The following ATP6V1B2 variants were observed in gnomAD, a reference collection of about 807,000 sequenced individuals.
ATP6V1B2 encodes the protein ATPase H+ transporting V1 subunit B2.
In ATP6V1B2, 23 loss-of-function variants were observed where a neutral mutation model predicts 66.7. That is an observed-to-expected ratio of 0.34 (90% CI 0.25 to 0.49). The LOEUF (loss-of-function observed/expected upper bound fraction) is 0.49. ATP6V1B2 is among the 20% of genes least tolerant of loss of function. The pLI, the probability that ATP6V1B2 is intolerant of heterozygous loss-of-function variation, is 0.99. For missense variants in ATP6V1B2, 478 were observed against 650.8 expected (o/e 0.73, Z 2.89); for synonymous variants, 278 against 236.7 (o/e 1.17, Z -1.60).
At chr8:20,216,319 G>C in intron 10 of ATP6V1B2, 94 bp from the exon 11 acceptor site, 1 of 1,033,840 alleles carries the variant, frequency 9.7e-7, no homozygotes, top group Non-Finnish European at 1.5e-6. Flanking sequence ...GTAGTACAGA[G>C]GGACTTTTTG....
At chr8:20,199,550 CAA>C (rs2072662825) in intron 1 of ATP6V1B2, among the ~76,000 whole-genome samples, 1 of 150,486 alleles carries the variant, frequency 6.6e-6, no homozygotes, top group Admixed American at 6.6e-5. Flanking sequence ...TTATTCTACT[CAA>C]AAGTTTTAAT....
At chr8:20,219,741 A>T (rs531030204) in intron 13 of ATP6V1B2, among the ~76,000 whole-genome samples, 1 of 152,314 alleles carries the variant, frequency 6.6e-6, no homozygotes, top group African/African-American at 2.4e-5. Context: ...TTGTGGGGAT[A>T]AGGATGATTC....
chr8:20,204,685 C>A, intron 2 of ATP6V1B2, 146 bp downstream of exon 2: 1 of 590,116 alleles, frequency 1.7e-6, no homozygotes, highest in Non-Finnish European at 2.8e-6. Flanking sequence ...TACCATGATA[C>A]CCTGGGCTAT....
intron 2 of ATP6V1B2, among the ~76,000 whole-genome samples, chr8:20,207,610 G>T (rs1585248645): frequency 1.3e-5 from 2 of 151,824 alleles, no homozygotes; most frequent in East Asian, 3.9e-4. Context: ...CCGTTTTTAT[G>T]ACTTCAGGCT....
intron 8 of ATP6V1B2, 28 bp from the exon 9 acceptor site, chr8:20,212,754 T>C (rs531039716): frequency 6.3e-7 from 1 of 1,596,198 alleles, no homozygotes; most frequent in East Asian, 2.2e-5. Flanking sequence ...TTGGTTTGAG[T>C]GGCCTAAGAC....
intron 5 of ATP6V1B2, 83 bp downstream of exon 5, chr8:20,210,729 T>G (rs1406567919): frequency 8.4e-7 from 1 of 1,184,910 alleles, no homozygotes; most frequent in South Asian, 1.3e-5. Context: ...AGAGTGTTTT[T>G]TGTGATATCA....
intron 10 of ATP6V1B2, 65 bp downstream of exon 10, chr8:20,215,033 C>T: frequency 2.0e-6 from 3 of 1,479,132 alleles, no homozygotes; most frequent in Middle Eastern, 2.1e-4. Context: ...ACCCATCTAC[C>T]TTTTCGAGTT....
intron 1 of ATP6V1B2, among the ~76,000 whole-genome samples, chr8:20,199,604 G>GTTTTT (rs11356003): frequency 1.8e-4 from 16 of 87,596 alleles, no homozygotes; most frequent in Admixed American, 3.1e-4. Context: ...ATTTTTGTGG[G>GTTTTT]TTTTTTTTTT....
At chr8:20,200,929 A>G (rs781199996) in intron 1 of ATP6V1B2, among the ~76,000 whole-genome samples, 5 of 152,228 alleles carry the variant, frequency 3.3e-5, no homozygotes, top group Non-Finnish European at 7.3e-5. Flanking sequence ...AGACTAGGAC[A>G]CTTATTATGC....
At chr8:20,198,524 A>G (rs2072651612) in intron 1 of ATP6V1B2, among the ~76,000 whole-genome samples, 1 of 152,238 alleles carries the variant, frequency 6.6e-6, no homozygotes, top group Non-Finnish European at 1.5e-5. Flanking sequence ...ACTTCTTCAC[A>G]GCTTTCTTCG....
chr8:20,210,295 C>G (rs762370422), intron 3 of ATP6V1B2, 51 bp from the exon 4 acceptor site: 3 of 1,464,290 alleles, frequency 2.0e-6, no homozygotes, highest in Non-Finnish European at 2.8e-6. Flanking sequence ...AATGTAAATG[C>G]CCGTGATCTA....
chr8:20,202,598 A>G (rs1431182621), intron 1 of ATP6V1B2, among the ~76,000 whole-genome samples: 1 of 152,224 alleles, frequency 6.6e-6, no homozygotes, highest in South Asian at 2.1e-4. Context: ...AGCTATGACT[A>G]GTGTTTCTTT....
intron 10 of ATP6V1B2, 109 bp downstream of exon 10, chr8:20,215,077 T>G: frequency 8.4e-7 from 1 of 1,191,828 alleles, no homozygotes; most frequent in Non-Finnish European, 1.1e-6. Flanking sequence ...CCTAAGAGTT[T>G]ATCTTGGTTA....
intron 10 of ATP6V1B2, 110 bp from the exon 11 acceptor site, chr8:20,216,303 T>G (rs2072854009): frequency 1.2e-6 from 1 of 812,358 alleles, no homozygotes. Flanking sequence ...CTAAGTAATG[T>G]TACAGGTAGT....
chr8:20,201,583 G>C (rs766697728), intron 1 of ATP6V1B2, among the ~76,000 whole-genome samples: 5 of 152,096 alleles, frequency 3.3e-5, no homozygotes, highest in Non-Finnish European at 7.4e-5. Flanking sequence ...TTGTACTGAA[G>C]ACTAAGGCCA....
At chr8:20,198,592 G>A (rs1200052743) in intron 1 of ATP6V1B2, among the ~76,000 whole-genome samples, 3 of 152,158 alleles carry the variant, frequency 2.0e-5, no homozygotes, top group Non-Finnish European at 4.4e-5. Flanking sequence ...AGCACATGAT[G>A]TTTCCCCAGG....
Position 20,210,561 on chromosome 8 carries a change from A to G in ATP6V1B2, c.386-8A>G. On this transcript the variant is annotated splice_region_variant and splice_polypyrimidine_tract_variant and intron_variant, in intron 4 of 13. Transcript: ENST00000276390. ...TCTACTCTGTCCTGTCTTCTTACTG[A>G]TTTCTAGGTCGGGTATTCAATGGAT... 1 of 1,613,600 alleles carries G rather than the reference A, an allele frequency of 6.2e-7. No homozygotes were observed. Among genetic ancestry groups the G allele is most frequent in the Non-Finnish European group, 8.5e-7 (1 of 1,179,658 alleles).
chr8:20,212,250 G>C (rs1005256501), intron 8 of ATP6V1B2, 51 bp downstream of exon 8: 4 of 1,553,992 alleles, frequency 2.6e-6, no homozygotes, highest in Non-Finnish European at 3.5e-6. Flanking sequence ...GATCAAAAGT[G>C]TGTCTTAAGG....
intron 10 of ATP6V1B2, chr8:20,215,554 T>TA (rs1394231576): frequency 6.6e-6 from 1 of 152,294 alleles, no homozygotes; most frequent in African/African-American, 2.4e-5. Flanking sequence ...AGTTATTACT[T>TA]ACTGTAATTG....
Sources: gnomAD v4.1 joint callset for allele counts (sites outside exome capture counted in the v4.1 genomes callset) on GRCh38, gnomAD v4.1.1 for gene constraint, MANE v1.5 for transcripts, NCBI Gene and HGNC (gene_info 2026-07-23, HGNC 2026-07-21) for gene names.